ARLN: variants seen among roughly 807,000 people sequenced by gnomAD.
ARLN encodes sarcoplasmic/endoplasmic reticulum calcium ATPase regulator ARLN.
At chr4:119,299,027 C>CA in the ARLN span, among the ~76,000 whole-genome samples, 1 of 152,142 alleles carries the variant, frequency 6.6e-6, no homozygotes, top group Non-Finnish European at 1.5e-5. Flanking sequence ...AATGGCTTGA[C>CA]AGAGAATTTT....
chr4:119,300,562 C>G, the ARLN span: 1 of 1,614,162 alleles, frequency 6.2e-7, no homozygotes, highest in East Asian at 2.2e-5. Flanking sequence ...CGTAACAACC[C>G]TAGAAACCGA....
chr4:119,304,210 C>G, the ARLN span: 5 of 1,468,410 alleles, frequency 3.4e-6, no homozygotes, highest in Non-Finnish European at 4.6e-6. Context: ...CTACAATTCA[C>G]ATTGATCTCT....
At chr4:119,298,989 G>A in the ARLN span, among the ~76,000 whole-genome samples, 1,348 of 152,162 alleles carry the variant, frequency 8.9e-3, 10 homozygotes, top group South Asian at 0.02. Flanking sequence ...ACCAAAACAG[G>A]GAGGGAGAGT....
At chr4:119,300,369 A>C in the ARLN span, 1 of 1,612,794 alleles carries the variant, frequency 6.2e-7, no homozygotes. Flanking sequence ...AAACACCACC[A>C]CATCGAAAAG....
the ARLN span, chr4:119,298,220 A>G: frequency 1.3e-5 from 2 of 152,228 alleles, no homozygotes; most frequent in African/African-American, 4.8e-5. Flanking sequence ...CTAAGACTGT[A>G]TCAACCTGTC....
chr4:119,298,772 G>T, the ARLN span: 3 of 774,808 alleles, frequency 3.9e-6, no homozygotes, highest in South Asian at 2.8e-5. Flanking sequence ...AGATATCAGC[G>T]AACAAGTCTG....
chr4:119,300,623 G>C, the ARLN span: 3 of 1,593,838 alleles, frequency 1.9e-6, no homozygotes, highest in Non-Finnish European at 2.6e-6. Context: ...AAACTGAGCG[G>C]AGTCCGGCCG....
the ARLN span, chr4:119,300,803 C>G: frequency 3.5e-5 from 50 of 1,443,124 alleles, no homozygotes; most frequent in East Asian, 7.5e-5. Context: ...TCGCGGCGTC[C>G]CAGGCAGATA....
At chr4:119,299,365 T>C in the ARLN span, among the ~76,000 whole-genome samples, 1 of 152,212 alleles carries the variant, frequency 6.6e-6, no homozygotes, top group Non-Finnish European at 1.5e-5. Context: ...AAGAAGTGAC[T>C]GCCTATCAAG....
chr4:119,296,523 G>C, the ARLN span: 5 of 152,162 alleles, frequency 3.3e-5, no homozygotes, highest in African/African-American at 1.2e-4. Flanking sequence ...AAAGCCAATG[G>C]TGTAGTTCCA....
At chr4:119,298,362 A>C in the ARLN span, 3,795 of 154,716 alleles carry the variant, frequency 0.025, 61 homozygotes, top group South Asian at 0.055. Context: ...CTTTTGAATA[A>C]TTGACTTTTG....
chr4:119,299,525 T>C, the ARLN span, among the ~76,000 whole-genome samples: 2 of 152,222 alleles, frequency 1.3e-5, no homozygotes, highest in Non-Finnish European at 2.9e-5. Flanking sequence ...TGCTTCTCCT[T>C]AGCTTGTCTC....
At chr4:119,299,778 T>C in the ARLN span, among the ~76,000 whole-genome samples, 1 of 152,212 alleles carries the variant, frequency 6.6e-6, no homozygotes, top group African/African-American at 2.4e-5. Flanking sequence ...TGGCGTTTAC[T>C]GAAATGGTAA....
chr4:119,300,687 C>T, the ARLN span: 3 of 1,535,322 alleles, frequency 2.0e-6, no homozygotes, highest in Non-Finnish European at 2.6e-6. Context: ...ACCTACTCTT[C>T]CCAGCGCGCA....
the ARLN span, chr4:119,304,320 C>A: frequency 5.2e-6 from 8 of 1,537,094 alleles, no homozygotes; most frequent in African/African-American, 1.1e-4. Flanking sequence ...GGGTTATTTT[C>A]TCAAGATCAA....
chr4:119,302,960 T>C, the ARLN span, among the ~76,000 whole-genome samples: 2 of 152,340 alleles, frequency 1.3e-5, no homozygotes, highest in African/African-American at 4.8e-5. Flanking sequence ...AGTATATCCA[T>C]GTGATAAAGC....
chr4:119,304,354 C>T, the ARLN span: 3 of 1,536,936 alleles, frequency 2.0e-6, no homozygotes, highest in African/African-American at 4.1e-5. Flanking sequence ...GTATTTGTTT[C>T]CATAGTTTTT....
the ARLN span, among the ~76,000 whole-genome samples, chr4:119,301,697 G>T: frequency 6.6e-6 from 1 of 152,028 alleles, no homozygotes; most frequent in Non-Finnish European, 1.5e-5. Context: ...TTAAATCGTC[G>T]TAAAACCTCT....
chr4:119,300,638 C>T, the ARLN span: 17 of 1,577,620 alleles, frequency 1.1e-5, no homozygotes, highest in Non-Finnish European at 1.5e-5. Context: ...CGGCCGCCTG[C>T]GCAGTGCGCC....
Sources: gnomAD v4.1 joint callset for allele counts (sites outside exome capture counted in the v4.1 genomes callset) on GRCh38, gnomAD v4.1.1 for gene constraint, MANE v1.5 for transcripts, NCBI Gene and HGNC (gene_info 2026-07-23, HGNC 2026-07-21) for gene names.